The following TEX52 variants were observed in gnomAD, a reference collection of about 807,000 sequenced individuals.
The protein encoded by TEX52 is testis expressed 52.
TEX52 carries 22 observed loss-of-function variants against 17.6 expected under a neutral mutation model. The ratio of observed to expected loss-of-function variants is 1.25; its 90% CI spans 0.89 to 1.78. TEX52 has a LOEUF of 1.78. Among genes scored for constraint, TEX52 ranks in the 40% most tolerant of loss-of-function variants. TEX52 has a pLI of 0.00. For synonymous variants in TEX52, 168 were observed against 147.4 expected (o/e 1.14, Z -1.01); for missense variants, 396 against 372.3 (o/e 1.06, Z -0.52).
At chr12:2,852,008 T>C (rs2098072630) in intron 2 of TEX52, among the ~76,000 whole-genome samples, 1 of 152,210 alleles carries the variant, frequency 6.6e-6, no homozygotes, top group Admixed American at 6.5e-5. Context: ...ATGAGGTAAT[T>C]GTGCTAAAAT....
chr12:2,854,862 G>A (rs571596046), intron 2 of TEX52, 34 bp downstream of exon 2: 6 of 1,508,092 alleles, frequency 4.0e-6, no homozygotes, highest in Middle Eastern at 3.4e-4. Context: ...GGCAGGGCAG[G>A]CTGGGTGGGC....
chr12:2,848,984 C>A, downstream of TEX52: 6 of 501,870 alleles, frequency 1.2e-5, no homozygotes, highest in South Asian at 1.2e-4. Flanking sequence ...ACCCAGCCTC[C>A]TGGCCGCAGT....
Position 2,854,941 on chromosome 12 carries a change from G to C in TEX52, c.578C>G (p.Pro193Arg), listed in dbSNP as rs1412124467. ...LKLRSEARAPPLDAQGNIQPP... is the reference protein window; with the variant it reads ...LKLRSEARAPRLDAQGNIQPP... Reference sequence around the variant, plus strand: ...CTGGATGTTGCCCTGGGCATCGAGTGGGGGTGCTCTTGCCTCACTCCTCAA... The same window carrying C: ...CTGGATGTTGCCCTGGGCATCGAGTCGGGGTGCTCTTGCCTCACTCCTCAA... The change falls in exon 2 of 3, where the codon CCA (proline) becomes CGA (arginine). Residue 193 changes from proline to arginine, a missense_variant. Pro to Arg is a moderately radical substitution (Grantham distance 103). Coordinates refer to ENST00000637658, the MANE Select transcript of TEX52 (RefSeq NM_001365174.2). 3 of 1,536,084 alleles carry C rather than the reference G, an allele frequency of 2.0e-6. No homozygotes were observed. The highest frequency in any genetic ancestry group is 1.7e-6 in the Non-Finnish European group (2 of 1,146,888).
intron 2 of TEX52, 32 bp downstream of exon 2, chr12:2,854,864 T>C: frequency 1.3e-6 from 2 of 1,510,220 alleles, no homozygotes; most frequent in Admixed American, 2.0e-5. Flanking sequence ...CAGGGCAGGC[T>C]GGGTGGGCTC....
chr12:2,850,475 CAAA>C (rs1275655927), intron 2 of TEX52, among the ~76,000 whole-genome samples: 2 of 70,658 alleles, frequency 2.8e-5, no homozygotes, highest in Non-Finnish European at 5.8e-5. Flanking sequence ...GACTCTGTCT[CAAA>C]AAAAAAAAAA....
chr12:2,853,821 G>A (rs967984593), intron 2 of TEX52, among the ~76,000 whole-genome samples: 7 of 151,980 alleles, frequency 4.6e-5, no homozygotes, highest in South Asian at 2.1e-4. Context: ...GGTTCACAGC[G>A]GCTCCTCTCA....
intron 2 of TEX52, among the ~76,000 whole-genome samples, chr12:2,852,256 G>A (rs1486749127): frequency 6.6e-6 from 1 of 152,154 alleles, no homozygotes; most frequent in African/African-American, 2.4e-5. Context: ...GGATCCTACT[G>A]TCATGGAGAT....
Position 2,849,522 on chromosome 12 carries a change from G to T in TEX52, c.627C>A (p.Tyr209Ter). The T allele has an allele frequency of 2.0e-6, 3 of 1,536,074 alleles. No individual in the cohort carries two copies. Among genetic ancestry groups the T allele is most frequent in the Non-Finnish European group, 2.6e-6 (3 of 1,146,872 alleles). ...NIQPPASFKK[Y>*]RHISAGGRFE... ...ACCTCCCACCAGCGGATATGTGCCG[G>T]TACCTGTTGGGAGAAGGGTATGGAG... is the stretch of plus-strand genomic sequence containing the variant. The change falls in exon 3 of 3, where the codon TAC (tyrosine) becomes TAA (stop). Residue 209 changes from tyrosine (Y) to a stop codon, truncating the protein, a stop_gained. Coordinates refer to ENST00000637658, the MANE Select transcript of TEX52 (RefSeq NM_001365174.2). LOFTEE classifies it low-confidence loss of function (END_TRUNC).
rs1220191066 is a variant in TEX52 at position 2,849,260 on chromosome 12, T to A, written c.889A>T (p.Lys297Ter). The A allele has an allele frequency of 6.5e-7, 1 of 1,536,004 alleles. No homozygotes were observed. The highest frequency in any genetic ancestry group is 1.4e-5 in the African/African-American group (1 of 73,040). ...AAGTGTCCAGGTCTTCTCTTCCTCT[T>A]CCTTGCTGGGGATTTGCTTGCTTGT... is the stretch of plus-strand genomic sequence containing the variant. Reference protein sequence around the residue: ...KAQASKSPARKRKRRPGHF With the variant: ...KAQASKSPAR The change falls in exon 3 of 3, where the codon AAG becomes TAG. Residue 297 changes from lysine to a stop codon, truncating the protein, a stop_gained. Transcript: ENST00000637658. LOFTEE classifies it high-confidence loss of function.
chr12:2,849,246 T>A lies in TEX52; in HGVS notation c.903A>T (p.Arg301Ser), dbSNP rs2098062218. 2.0e-6 allele frequency: 3 copies of A among 1,535,766 alleles called. No individual in the cohort carries two copies. Among genetic ancestry groups the A allele is most frequent in the Non-Finnish European group, 2.6e-6 (3 of 1,146,824 alleles). ...SKSPARKRKR[R>S]PGHF is the part of the protein sequence containing the mutation. ...GGAAGCCCTTCTAGAAGTGTCCAGG[T>A]CTTCTCTTCCTCTTCCTTGCTGGGG... Residue 301 changes from arginine to serine, a missense_variant, in exon 3 of 3, where the codon AGA (arginine) becomes AGT (serine). By Grantham distance (110) the Arg-to-Ser change is moderately radical. Transcript: ENST00000637658.
rs35125854 is a variant in TEX52 at position 2,850,978 on chromosome 12, CTTTTTT to C, written c.624-1459_624-1454del. ...TGAGCCAACACACCAGGCCCAGAGTCTTTTTTTTTTTTTTTTTTTTTTTTGAGACAG... is the reference window on the plus strand; with the variant it reads ...TGAGCCAACACACCAGGCCCAGAGTCTTTTTTTTTTTTTTTTTTGAGACAG... On this transcript the variant is annotated intron_variant, in intron 2 of 2. Transcript: ENST00000637658. Among the ~76,000 whole-genome samples the C allele has an allele frequency of 6.1e-5, 5 of 81,666 alleles. No homozygotes were observed. The East Asian group carries it at 2.3e-3, about 38-fold the overall frequency. 53.6% of individuals were successfully genotyped at this position (81,666 alleles called of 152,430 possible). A position where few individuals can be genotyped will look rare whatever the true frequency, so the allele number is the denominator to read the frequency against.
intron 1 of TEX52, among the ~76,000 whole-genome samples, 168 bp from the exon 2 acceptor site, chr12:2,855,614 C>T (rs559978082): frequency 6.6e-6 from 1 of 152,282 alleles, no homozygotes; most frequent in South Asian, 2.1e-4. Flanking sequence ...TCCTTCCCGG[C>T]GGAAGTTATG....
At chr12:2,854,419 G>A (rs372101873) in intron 2 of TEX52, among the ~76,000 whole-genome samples, 28 of 152,282 alleles carry the variant, frequency 1.8e-4, no homozygotes, top group African/African-American at 5.8e-4. Context: ...CCCCTTCATC[G>A]GTGAGGGAGC....
Position 2,849,072 on chromosome 12 carries a change from G to A in TEX52, c.*159C>T, listed in dbSNP as rs2098061643. 1.5e-6 allele frequency: 1 copy of A among 672,156 alleles called. No individual in the cohort carries two copies. Among genetic ancestry groups the A allele is most frequent in the African/African-American group, 1.8e-5 (1 of 55,034 alleles). 41.6% of individuals were successfully genotyped at this position (672,156 alleles called of 1,614,324 possible). A position where few individuals can be genotyped will look rare whatever the true frequency, so the allele number is the denominator to read the frequency against. ...TTCAGTTGAATCTCCAATAGCCTGG[G>A]GTACAGAGGTGGCTTGAGGCTGGGA... On this transcript the variant is annotated 3_prime_UTR_variant, in exon 3 of 3. Coordinates refer to ENST00000637658, the MANE Select transcript of TEX52 (RefSeq NM_001365174.2).
chr12:2,851,803 C>T (rs2098071956), intron 2 of TEX52, among the ~76,000 whole-genome samples: 2 of 152,146 alleles, frequency 1.3e-5, no homozygotes, highest in African/African-American at 4.8e-5. Flanking sequence ...CTCAGCCTCC[C>T]CAGTAGCTGG....
chr12:2,849,590 A>T lies in TEX52; in HGVS notation c.624-65T>A, dbSNP rs1010260839. 14 of 1,515,688 alleles carry T rather than the reference A, an allele frequency of 9.2e-6. No individual in the cohort carries two copies. In the African/African-American group the frequency reaches 1.8e-4, roughly 19 times the overall value. The allele number at this position is 1,515,688 out of a possible 1,614,324, so 93.9% of individuals were successfully genotyped here. On this transcript the variant is annotated intron_variant, in intron 2 of 2. Coordinates refer to ENST00000637658, the MANE Select transcript of TEX52 (RefSeq NM_001365174.2). ...GAAGAGATCCAGGGACAGTGGAGAG[A>T]CGGGGAAGGGGAAGGGTGATGCCGC... is the stretch of plus-strand genomic sequence containing the variant.
chr12:2,849,164 G>A lies in TEX52; in HGVS notation c.*67C>T. The stretch of plus-strand genomic sequence containing the variant: ...GCTACCCCAGGGCCTCTTGCTGAAG[G>A]AGCATTGATTGAGAACACTGGAGCC... On this transcript the variant is annotated 3_prime_UTR_variant, in exon 3 of 3. Transcript: ENST00000637658. 1.4e-6 allele frequency: 2 copies of A among 1,445,762 alleles called. No homozygotes were observed. The highest frequency in any genetic ancestry group is 1.8e-6 in the Non-Finnish European group (2 of 1,096,828). The allele number at this position is 1,445,762 out of a possible 1,614,324, so 89.6% of individuals were successfully genotyped here.
intron 2 of TEX52, 143 bp downstream of exon 2, chr12:2,854,753 A>G: frequency 8.1e-6 from 7 of 860,702 alleles, no homozygotes; most frequent in Non-Finnish European, 1.2e-5. Context: ...TCGTCCTTCC[A>G]GCTACACTCA....
intron 2 of TEX52, among the ~76,000 whole-genome samples, chr12:2,851,468 G>A (rs542236581): frequency 6.1e-4 from 91 of 148,066 alleles, no homozygotes; most frequent in African/African-American, 2.2e-3. Context: ...TCAGCCTCCC[G>A]AGTAGCTGGG....
Sources: gnomAD v4.1 joint callset for allele counts (sites outside exome capture counted in the v4.1 genomes callset) on GRCh38, gnomAD v4.1.1 for gene constraint, MANE v1.5 for transcripts, NCBI Gene and HGNC (gene_info 2026-07-23, HGNC 2026-07-21) for gene names.